SOX5: variants seen among roughly 807,000 people sequenced by gnomAD.
SOX5 encodes the protein transcription factor SOX-5.
Under a neutral mutation model 92.0 loss-of-function variants are expected in SOX5, and 9 were observed. That is an observed-to-expected ratio of 0.10 (90% confidence interval 0.06 to 0.17). SOX5 has a LOEUF of 0.17. SOX5 is among the 10% of genes least tolerant of loss of function. The probability of loss-of-function intolerance (pLI) is 1.00; values close to 1 mark genes in which losing one functional copy is unlikely to be tolerated. For synonymous variants in SOX5, 344 were observed against 336.3 expected (o/e 1.02, Z -0.25); for missense variants, 642 against 944.5 (o/e 0.68, Z 4.20).
At chr12:24,365,939 T>C (rs1314961357) in intron 2 of SOX5, among the ~76,000 whole-genome samples, 1 of 152,142 alleles carries the variant, frequency 6.6e-6, no homozygotes, top group East Asian at 1.9e-4. Context: ...GCTTTTATTC[T>C]TAATTTGGTA....
intron 6 of SOX5, among the ~76,000 whole-genome samples, chr12:23,703,684 T>G (rs1413679805): frequency 6.6e-6 from 1 of 151,434 alleles, no homozygotes; most frequent in Non-Finnish European, 1.5e-5. Context: ...TTGTATGAAA[T>G]TTTCAAGCTA....
chr12:23,844,691 CATT>C (rs1459776379), intron 3 of SOX5, among the ~76,000 whole-genome samples: 7 of 152,068 alleles, frequency 4.6e-5, no homozygotes, highest in Non-Finnish European at 8.8e-5. Flanking sequence ...AATAATTAAA[CATT>C]ATTGCTGTTT....
At chr12:23,606,923 G>A (rs1184493372) in intron 8 of SOX5, among the ~76,000 whole-genome samples, 1 of 152,124 alleles carries the variant, frequency 6.6e-6, no homozygotes, top group African/African-American at 2.4e-5. Context: ...TATAATAACA[G>A]TATAATATCA....
At chr12:23,760,794 G>T (rs1424197905) in intron 3 of SOX5, among the ~76,000 whole-genome samples, 6 of 152,084 alleles carry the variant, frequency 3.9e-5, no homozygotes, top group African/African-American at 9.7e-5. Context: ...CCAACAAGCT[G>T]CCAGTGCCAA....
chr12:23,568,273 T>C (rs1220355408), intron 10 of SOX5, among the ~76,000 whole-genome samples: 1 of 152,130 alleles, frequency 6.6e-6, no homozygotes, highest in African/African-American at 2.4e-5. Flanking sequence ...AGGTTCTCAT[T>C]CAGAGCTTCC....
intron 4 of SOX5, among the ~76,000 whole-genome samples, chr12:24,074,605 C>T (rs1336384808): frequency 1.9e-5 from 2 of 104,500 alleles, no homozygotes; most frequent in Non-Finnish European, 3.5e-5. Context: ...TGGTGTCAGG[C>T]TTAGTGTTTA....
intron 1 of SOX5, among the ~76,000 whole-genome samples, chr12:24,384,284 G>T (rs1280716883): frequency 6.6e-6 from 1 of 152,158 alleles, no homozygotes; most frequent in East Asian, 1.9e-4. Context: ...AGAGTCTAGT[G>T]CCATGGCTGC....
chr12:24,194,696 C>G (rs1956847207), intron 4 of SOX5, among the ~76,000 whole-genome samples: 1 of 151,964 alleles, frequency 6.6e-6, no homozygotes, highest in Admixed American at 6.6e-5. Flanking sequence ...ACTGTATAAG[C>G]AACAAAAATA....
intron 6 of SOX5, among the ~76,000 whole-genome samples, chr12:23,692,880 T>C (rs1050147005): frequency 6.6e-6 from 1 of 152,198 alleles, no homozygotes; most frequent in African/African-American, 2.4e-5. Flanking sequence ...CAGTAATATC[T>C]TCCTGGGAAA....
intron 1 of SOX5, among the ~76,000 whole-genome samples, chr12:24,476,451 T>C (rs1945389245): frequency 6.6e-6 from 1 of 152,096 alleles, no homozygotes; most frequent in Non-Finnish European, 1.5e-5. Flanking sequence ...CATTCTACAG[T>C]GGCCAATTTG....
At chr12:24,474,233 A>T (rs73289657) in intron 1 of SOX5, among the ~76,000 whole-genome samples, 2 of 152,182 alleles carry the variant, frequency 1.3e-5, no homozygotes, top group Non-Finnish European at 2.9e-5. Context: ...TTATAGGTAT[A>T]TAATTTTTGC....
At chr12:23,576,849 T>C (rs1486383861) in intron 9 of SOX5, among the ~76,000 whole-genome samples, 1 of 151,992 alleles carries the variant, frequency 6.6e-6, no homozygotes, top group Non-Finnish European at 1.5e-5. Context: ...TTACCACTTG[T>C]TTATTTATCA....
At chr12:24,279,375 C>A (rs1022792228) in intron 2 of SOX5, among the ~76,000 whole-genome samples, 1 of 152,024 alleles carries the variant, frequency 6.6e-6, no homozygotes, top group Non-Finnish European at 1.5e-5. Context: ...ATTATAAGTA[C>A]TCTGCACCCA....
At chr12:23,774,560 T>G (rs1313451197) in intron 3 of SOX5, among the ~76,000 whole-genome samples, 2 of 152,216 alleles carry the variant, frequency 1.3e-5, no homozygotes, top group Non-Finnish European at 2.9e-5. Context: ...ATGTATAAAA[T>G]AGTAATAATT....
At position 24,040,480 on chromosome 12, in the gene SOX5, T is replaced by A. The variant is rs993830417; in HGVS notation, c.-1-144456A>T. On this transcript the variant is annotated intron_variant, in intron 4 of 4. Transcript: ENST00000446891. ...AATGCCCTTGTGGTTGTTCAAAAAC[T>A]ACATGAATCTTCTCTGACAATTGAA... Among the ~76,000 whole-genome samples, 20 of 152,350 alleles carry A rather than the reference T, an allele frequency of 1.3e-4. 1 individual carries two copies. Among genetic ancestry groups the A allele is most frequent in the Admixed American group, 7.2e-4 (11 of 15,298 alleles).
rs191641878 is a variant in SOX5, at chr12:24,138,996, T to C, written c.-2+74347A>G. On this transcript the variant is annotated intron_variant, in intron 4 of 4. Transcript: ENST00000446891. The stretch of plus-strand genomic sequence containing the variant: ...CTCTCAGATGCACAATATATCTCCA[T>C]CCCTGAGTTTTCCCCTTACACTGCG... Among the ~76,000 whole-genome samples, 313 of 152,264 alleles carry C rather than the reference T, an allele frequency of 2.1e-3. 2 individuals are homozygous for C. Among genetic ancestry groups the C allele is most frequent in the African/African-American group, 7.1e-3 (294 of 41,542 alleles).
chr12:24,135,470 T>C (rs12316739), intron 4 of SOX5, among the ~76,000 whole-genome samples: 4,982 of 152,272 alleles, frequency 0.033, 187 homozygotes, highest in African/African-American at 0.093. Flanking sequence ...CTGATTAGCC[T>C]TTTACACATA....
At chr12:24,506,784 C>CTTGTTTTTTTTTTTTTTT (rs1948797481) in intron 1 of SOX5, among the ~76,000 whole-genome samples, 1 of 81,760 alleles carries the variant, frequency 1.2e-5, no homozygotes, top group Non-Finnish European at 2.2e-5. Flanking sequence ...TCCAAATGGT[C>CTTGTTTTTTTTTTTTTTT]TTTTTTTTTT....
chr12:24,072,287 A>G (rs552738033), intron 4 of SOX5, among the ~76,000 whole-genome samples: 1 of 152,370 alleles, frequency 6.6e-6, no homozygotes, highest in Non-Finnish European at 1.5e-5. Flanking sequence ...AATTAACCTT[A>G]TGAGACAGTG....
Sources: gnomAD v4.1 joint callset for allele counts (sites outside exome capture counted in the v4.1 genomes callset) on GRCh38, gnomAD v4.1.1 for gene constraint, MANE v1.5 for transcripts, NCBI Gene and HGNC (gene_info 2026-07-23, HGNC 2026-07-21) for gene names.